The following MAD1L1 variants were observed in gnomAD, a reference collection of about 807,000 sequenced individuals.
The protein encoded by MAD1L1 is mitotic spindle assembly checkpoint protein MAD1.
Under a neutral mutation model 96.9 loss-of-function variants are expected in MAD1L1, and 95 were observed. The observed-to-expected ratio is 0.98, with a 90% CI of 0.83 to 1.16. MAD1L1 has a LOEUF of 1.16. MAD1L1 is among the 50% of genes most tolerant of loss of function. MAD1L1 has a pLI of 0.00. For missense variants in MAD1L1, 1,007 were observed against 954.4 expected (o/e 1.06, Z -0.73); for synonymous variants, 473 against 396.6 (o/e 1.19, Z -2.29).
chr7:2,175,115 T>C (rs964351562), intron 10 of MAD1L1: 14 of 151,650 alleles, frequency 9.2e-5, no homozygotes, highest in African/African-American at 3.4e-4. Flanking sequence ...TCACACAGAG[T>C]TCACTTACCG....
chr7:2,018,346 G>A (rs933230331), intron 12 of MAD1L1, among the ~76,000 whole-genome samples: 13 of 152,194 alleles, frequency 8.5e-5, no homozygotes, highest in East Asian at 1.9e-4. Flanking sequence ...CACGGAACCC[G>A]CATACACAGG....
chr7:1,923,112 A>G (rs1001955907), intron 17 of MAD1L1, among the ~76,000 whole-genome samples: 6 of 152,246 alleles, frequency 3.9e-5, no homozygotes, highest in Non-Finnish European at 4.4e-5. Flanking sequence ...AGTGTTTGGT[A>G]GAATTCACCA....
intron 16 of MAD1L1, among the ~76,000 whole-genome samples, chr7:1,941,918 G>A (rs376239975): frequency 3.0e-4 from 45 of 152,242 alleles, no homozygotes; most frequent in East Asian, 1.2e-3. Flanking sequence ...GCACCTAGTC[G>A]TCTTTCTGTA....
chr7:1,880,886 A>G (rs57692443), intron 18 of MAD1L1, among the ~76,000 whole-genome samples: 3,681 of 152,300 alleles, frequency 0.024, 139 homozygotes, highest in African/African-American at 0.084. Context: ...TGCCCAGGCC[A>G]CTGCAGCCCC....
intron 17 of MAD1L1, among the ~76,000 whole-genome samples, chr7:1,933,414 C>CG (rs987322928): frequency 3.6e-4 from 55 of 152,260 alleles, no homozygotes; most frequent in African/African-American, 9.9e-4. Context: ...GGGCACGTGG[C>CG]GGGGGTGTGC....
intron 3 of MAD1L1, among the ~76,000 whole-genome samples, chr7:2,226,498 A>G (rs1393161256): frequency 6.6e-6 from 1 of 152,160 alleles, no homozygotes; most frequent in Non-Finnish European, 1.5e-5. Context: ...GCTAGTGATT[A>G]CAGGTTAGCT....
intron 11 of MAD1L1, among the ~76,000 whole-genome samples, chr7:2,072,087 G>A (rs56140501): frequency 0.024 from 3,606 of 152,352 alleles, 57 homozygotes; most frequent in South Asian, 0.082. Context: ...AGGAACCCCA[G>A]TTTACAGCTG....
At chr7:1,896,730 G>A (rs1281945665) in intron 18 of MAD1L1, among the ~76,000 whole-genome samples, 2 of 152,196 alleles carry the variant, frequency 1.3e-5, no homozygotes, top group Admixed American at 6.5e-5. Flanking sequence ...CCAAGGTTCC[G>A]CTGCAGTTAG....
intron 18 of MAD1L1, among the ~76,000 whole-genome samples, chr7:1,840,306 T>G (rs1378709191): frequency 2.0e-5 from 3 of 152,302 alleles, no homozygotes; most frequent in Admixed American, 2.0e-4. Context: ...GAGCCCCAGC[T>G]CCAGGCCACC....
chr7:1,936,901 C>T lies in MAD1L1; in HGVS notation c.1597-4G>A. 18 of 1,583,424 alleles carry T rather than the reference C, an allele frequency of 1.1e-5. No individual in the cohort carries two copies. Among genetic ancestry groups the T allele is most frequent in the Non-Finnish European group, 1.5e-5 (18 of 1,162,816 alleles). Reference sequence around the variant, plus strand: ...TCCTGCTCTGGTCATAGTCACCCTGCAGGAACACACACAGCACAGGTCACC... The same window carrying T: ...TCCTGCTCTGGTCATAGTCACCCTGTAGGAACACACACAGCACAGGTCACC... On this transcript the variant is annotated splice_region_variant and splice_polypyrimidine_tract_variant and intron_variant, in intron 16 of 18. Coordinates refer to ENST00000265854, the MANE Select transcript of MAD1L1 (RefSeq NM_001013836.2).
chr7:2,128,455 A>G (rs1393762013), intron 11 of MAD1L1, among the ~76,000 whole-genome samples: 3 of 152,114 alleles, frequency 2.0e-5, no homozygotes, highest in African/African-American at 7.2e-5. Context: ...CACAAAAAGC[A>G]CAGAACACGA....
intron 18 of MAD1L1, among the ~76,000 whole-genome samples, chr7:1,858,722 G>A (rs1049183818): frequency 1.3e-5 from 2 of 152,234 alleles, no homozygotes; most frequent in Non-Finnish European, 2.9e-5. Context: ...CAGACACGAG[G>A]CCCACAGGAA....
chr7:2,099,947 G>T (rs1786692965), intron 11 of MAD1L1, among the ~76,000 whole-genome samples: 1 of 152,242 alleles, frequency 6.6e-6, no homozygotes, highest in South Asian at 2.1e-4. Flanking sequence ...CTAGCACATG[G>T]ATTTTCAAAC....
chr7:1,941,249 C>T (rs963544725), intron 16 of MAD1L1, among the ~76,000 whole-genome samples: 3 of 152,202 alleles, frequency 2.0e-5, no homozygotes, highest in African/African-American at 7.2e-5. Flanking sequence ...CAACGTTCAA[C>T]GTTCCACGGG....
chr7:1,911,318 C>G (rs1000926110), intron 17 of MAD1L1, among the ~76,000 whole-genome samples: 9 of 152,140 alleles, frequency 5.9e-5, no homozygotes, highest in African/African-American at 2.2e-4. Context: ...CCTCTCCCTC[C>G]TCCTCAGGCC....
intron 10 of MAD1L1, among the ~76,000 whole-genome samples, chr7:2,195,475 C>A (rs879910998): frequency 6.6e-6 from 1 of 152,154 alleles, no homozygotes; most frequent in Non-Finnish European, 1.5e-5. Flanking sequence ...GTCAAAATGT[C>A]CTCCAAATAG....
intron 11 of MAD1L1, among the ~76,000 whole-genome samples, chr7:2,121,542 CCA>C (rs1787981249): frequency 6.6e-6 from 1 of 152,236 alleles, no homozygotes; most frequent in Non-Finnish European, 1.5e-5. Context: ...TCATTAGAAA[CCA>C]CAGACCTCAG....
At chr7:2,209,031 G>T (rs146431544) in intron 10 of MAD1L1, among the ~76,000 whole-genome samples, 3 of 152,162 alleles carry the variant, frequency 2.0e-5, no homozygotes, top group Admixed American at 2.0e-4. Flanking sequence ...GTGTGTTCAC[G>T]CAGGCTCATC....
At position 1,907,976 on chromosome 7, in the gene MAD1L1, G is replaced by A. The variant is rs376549868; in HGVS notation, c.1808-9586C>T. Among the ~76,000 whole-genome samples, 22 of 152,334 alleles carry A rather than the reference G, an allele frequency of 1.4e-4. No individual in the cohort carries two copies. In the East Asian group the frequency reaches 3.1e-3, roughly 21 times the overall value. ...CGGCCCCCTCAGGAGACAGCGGCCCGTGACCCCAGAGCTCAGGAGTCCGGC... is the reference window on the plus strand; with the variant it reads ...CGGCCCCCTCAGGAGACAGCGGCCCATGACCCCAGAGCTCAGGAGTCCGGC... On this transcript the variant is annotated intron_variant, in intron 17 of 18. Transcript: ENST00000265854.
Sources: allele counts gnomAD v4.1 joint callset (sites outside exome capture counted in the v4.1 genomes callset), GRCh38; gene constraint gnomAD v4.1.1; transcripts MANE v1.5; gene names NCBI Gene and HGNC (gene_info 2026-07-23, HGNC 2026-07-21).